HPSE2: variants seen among roughly 807,000 people sequenced by gnomAD.
The protein encoded by HPSE2 is inactive heparanase-2.
In HPSE2, 38 loss-of-function variants were observed where a neutral mutation model predicts 60.5. The observed-to-expected ratio is 0.63, with a 90% CI of 0.48 to 0.82. The LOEUF (loss-of-function observed/expected upper bound fraction) is 0.82. Among genes scored for constraint, HPSE2 ranks in the 40% least tolerant of loss-of-function variants. The pLI is 0.00. For missense variants in HPSE2, 713 were observed against 740.4 expected (o/e 0.96, Z 0.43); for synonymous variants, 295 against 293.2 (o/e 1.01, Z -0.06).
At chr10:98,821,693 A>G (rs543829573) in intron 3 of HPSE2, among the ~76,000 whole-genome samples, 161 of 152,342 alleles carry the variant, frequency 1.1e-3, no homozygotes, top group Admixed American at 1.3e-3. Flanking sequence ...GGAAACAAAA[A>G]GGATTTTTAA....
chr10:98,889,145 C>A (rs1953258216), intron 3 of HPSE2, among the ~76,000 whole-genome samples: 2 of 151,938 alleles, frequency 1.3e-5, no homozygotes, highest in South Asian at 4.2e-4. Context: ...AAAAAATGAA[C>A]CAGTAGTGAA....
In HPSE2 at chr10:98,964,503, A is replaced by ACCTT. The variant is rs1955764083; in HGVS notation, c.610+179731_610+179734dup. Among the ~76,000 whole-genome samples, 3 of 152,088 alleles carry ACCTT rather than the reference A, an allele frequency of 2.0e-5. No homozygotes were observed. The South Asian group carries it at 6.2e-4, about 32-fold the overall frequency. On this transcript the variant is annotated intron_variant, in intron 3 of 11. Transcript: ENST00000370552. Reference sequence around the variant, plus strand: ...CTTATTACATTTGATTTCTTAATGCACCTTCCTTCCTTTCCATAGAATTCC... The same window carrying ACCTT: ...CTTATTACATTTGATTTCTTAATGCACCTTCCTTCCTTCCTTTCCATAGAATTCC...
chr10:98,581,154 C>G (rs904550376), intron 9 of HPSE2, among the ~76,000 whole-genome samples: 1 of 151,718 alleles, frequency 6.6e-6, no homozygotes, highest in Non-Finnish European at 1.5e-5. Flanking sequence ...CCACCCACCT[C>G]GACTTCCCAA....
chr10:99,245,705 G>A, the HPSE2 span, among the ~76,000 whole-genome samples: 1 of 152,226 alleles, frequency 6.6e-6, no homozygotes, highest in African/African-American at 2.4e-5. Flanking sequence ...GGGCCACTCT[G>A]GAGACTGATC....
intron 2 of HPSE2, among the ~76,000 whole-genome samples, chr10:99,216,200 T>TTC (rs1363308699): frequency 7.6e-4 from 113 of 148,244 alleles, no homozygotes; most frequent in Admixed American, 2.6e-3. Context: ...TTTTTTTTTT[T>TTC]TTTTTTTTTT....
chr10:99,180,889 CAAAAAAAAAAAAAAAAA>C (rs68033581), intron 2 of HPSE2, among the ~76,000 whole-genome samples: 2 of 29,694 alleles, frequency 6.7e-5, no homozygotes, highest in African/African-American at 4.3e-4. Context: ...GACTCCATCT[CAAAAAAAAAAAAAAAAA>C]AAAAAAAAAA....
intron 3 of HPSE2, among the ~76,000 whole-genome samples, chr10:98,853,550 C>T (rs1241131731): frequency 1.3e-5 from 2 of 151,994 alleles, no homozygotes; most frequent in African/African-American, 4.8e-5. Context: ...CTTTTCCGCA[C>T]ATATCATTAG....
At chr10:99,151,070 T>C (rs2135797725) in intron 2 of HPSE2, among the ~76,000 whole-genome samples, 1 of 151,854 alleles carries the variant, frequency 6.6e-6, no homozygotes, top group South Asian at 2.1e-4. Flanking sequence ...AACAAAAAGA[T>C]ATAAAGTCCA....
chr10:98,820,008 T>C (rs1951387340), intron 3 of HPSE2, among the ~76,000 whole-genome samples: 1 of 152,172 alleles, frequency 6.6e-6, no homozygotes, highest in Non-Finnish European at 1.5e-5. Flanking sequence ...CCTCACAGAA[T>C]GTAAATTTTA....
intron 3 of HPSE2, among the ~76,000 whole-genome samples, chr10:98,963,738 A>G (rs1955741689): frequency 6.6e-6 from 1 of 152,174 alleles, no homozygotes. Context: ...GAAAAGGTGC[A>G]TCAGAATGTT....
At chr10:98,589,715 C>T (rs1945036252) in intron 9 of HPSE2, among the ~76,000 whole-genome samples, 1 of 152,164 alleles carries the variant, frequency 6.6e-6, no homozygotes, top group Non-Finnish European at 1.5e-5. Flanking sequence ...ACCCTGTCAC[C>T]ATCCAGACTG....
intron 11 of HPSE2, among the ~76,000 whole-genome samples, chr10:98,482,286 T>C (rs1248886281): frequency 1.3e-5 from 2 of 152,178 alleles, no homozygotes; most frequent in South Asian, 2.1e-4. Context: ...GGTTGCTACA[T>C]GACCATGGGG....
intron 3 of HPSE2, among the ~76,000 whole-genome samples, chr10:98,837,074 T>C (rs953409423): frequency 6.6e-6 from 1 of 151,814 alleles, no homozygotes; most frequent in African/African-American, 2.4e-5. Flanking sequence ...AATAAATAAA[T>C]AAACTGATTA....
chr10:98,920,521 G>C (rs536592063), intron 3 of HPSE2, among the ~76,000 whole-genome samples: 1 of 152,166 alleles, frequency 6.6e-6, no homozygotes, highest in African/African-American at 2.4e-5. Flanking sequence ...CCTCCTCAGA[G>C]CATCTTGCAT....
chr10:98,552,841 A>G (rs1182190543), intron 9 of HPSE2, among the ~76,000 whole-genome samples: 1 of 152,116 alleles, frequency 6.6e-6, no homozygotes, highest in Non-Finnish European at 1.5e-5. Flanking sequence ...GACATCCCAT[A>G]TCAGCCTCTT....
At chr10:98,993,282 T>C (rs1360078790) in intron 3 of HPSE2, among the ~76,000 whole-genome samples, 1 of 152,258 alleles carries the variant, frequency 6.6e-6, no homozygotes, top group Admixed American at 6.5e-5. Context: ...GAGAACTGCA[T>C]GTATAACAAC....
chr10:98,624,623 TAC>T (rs766747566), intron 7 of HPSE2, among the ~76,000 whole-genome samples: 9 of 152,366 alleles, frequency 5.9e-5, no homozygotes, highest in East Asian at 1.9e-4. Flanking sequence ...TGTATCATGA[TAC>T]AGTTATTTGT....
chr10:98,545,392 G>A (rs1180449617), intron 9 of HPSE2, among the ~76,000 whole-genome samples: 1 of 152,148 alleles, frequency 6.6e-6, no homozygotes, highest in African/African-American at 2.4e-5. Context: ...GAATATTGAT[G>A]CAAAAATCCT....
intron 3 of HPSE2, among the ~76,000 whole-genome samples, chr10:99,072,767 T>C (rs972781720): frequency 2.6e-5 from 4 of 151,576 alleles, no homozygotes; most frequent in African/African-American, 9.7e-5. Flanking sequence ...CTACTAAAAA[T>C]ACAAAATAAA....
Sources: allele counts gnomAD v4.1 joint callset (sites outside exome capture counted in the v4.1 genomes callset), GRCh38; gene constraint gnomAD v4.1.1; transcripts MANE v1.5; gene names NCBI Gene and HGNC (gene_info 2026-07-23, HGNC 2026-07-21).